The following SYAP1 variants were observed in gnomAD, a reference collection of about 807,000 sequenced individuals.
The protein encoded by SYAP1 is synapse-associated protein 1.
A neutral mutation model predicts 29.6 loss-of-function variants in SYAP1; 3 were observed. The ratio of observed to expected loss-of-function variants is 0.10; its 90% CI spans 0.05 to 0.26. The LOEUF is 0.26. Among genes scored for constraint, SYAP1 ranks in the 10% least tolerant of loss-of-function variants. The probability of loss-of-function intolerance (pLI) is 1.00; values close to 1 mark genes in which losing one functional copy is unlikely to be tolerated. For missense variants in SYAP1, 217 were observed against 264.1 expected (o/e 0.82, Z 1.24); for synonymous variants, 102 against 102.7 (o/e 0.99, Z 0.04).
chrX:16,740,782 T>C (rs1412449886), intron 3 of SYAP1, among the ~76,000 whole-genome samples: 1 of 111,621 alleles, frequency 9.0e-6, no homozygotes, highest in Non-Finnish European at 1.9e-5. Context: ...AATACTTTAC[T>C]GTTCATCAGT....
chrX:16,739,910 G>T (rs1022593225), intron 3 of SYAP1, among the ~76,000 whole-genome samples: 1 of 111,219 alleles, frequency 9.0e-6, no homozygotes, highest in Non-Finnish European at 1.9e-5. Context: ...TAATCTTGCC[G>T]CTGTGGGTTG....
intron 1 of SYAP1, among the ~76,000 whole-genome samples, chrX:16,720,897 C>T (rs772782059): frequency 9.0e-6 from 1 of 110,516 alleles, no homozygotes; most frequent in East Asian, 2.9e-4. Context: ...CCTGTAATCC[C>T]AGCTACTCAG....
chrX:16,741,973 A>T (rs12390881), intron 4 of SYAP1, among the ~76,000 whole-genome samples, 184 bp downstream of exon 4: 6 of 105,348 alleles, frequency 5.7e-5, no homozygotes, highest in East Asian at 5.9e-4. Context: ...TTTATTTTTT[A>T]TTTTTTTTTT....
At chrX:16,724,339 A>G (rs6632875) in intron 1 of SYAP1, among the ~76,000 whole-genome samples, 49,922 of 110,162 alleles carry the variant, frequency 0.45, 10,052 homozygotes, top group African/African-American at 0.78. Flanking sequence ...TCCTCTGCCT[A>G]CCACATATCC....
chrX:16,754,972 C>T lies in SYAP1; in HGVS notation c.603C>T (p.Asn201=), dbSNP rs752727686. 1 of 1,209,918 alleles carries T rather than the reference C, an allele frequency of 8.3e-7. No homozygotes were observed. Among genetic ancestry groups the T allele is most frequent in the South Asian group, 1.8e-5 (1 of 56,841 alleles). The change falls in exon 6 of 9, where the codon AAC becomes AAT. Residue 201 remains asparagine (N), a synonymous_variant. Coordinates refer to ENST00000380155, the MANE Select transcript of SYAP1 (RefSeq NM_032796.4). ...TGAAGGAAGAAGTGTTCTGGAGGAA[C>T]TACTTTTACCGCGTCTCCCTGATTA... ...KLVKEEVFWR[N]YFYRVSLIKQ...
intron 1 of SYAP1, among the ~76,000 whole-genome samples, chrX:16,727,897 A>G (rs1926117213): frequency 8.9e-6 from 1 of 112,308 alleles, no homozygotes; most frequent in South Asian, 3.6e-4. Flanking sequence ...ACACCATTCC[A>G]GTTAAAGCCT....
chrX:16,745,478 G>A (rs192662769), intron 5 of SYAP1, among the ~76,000 whole-genome samples: 23 of 111,456 alleles, frequency 2.1e-4, no homozygotes, highest in Non-Finnish European at 4.2e-4. Flanking sequence ...AGTTGCTCAT[G>A]CCTGTAATTC....
chrX:16,751,676 TTTTC>T (rs1926733473), intron 5 of SYAP1, among the ~76,000 whole-genome samples: 2 of 106,262 alleles, frequency 1.9e-5, no homozygotes, highest in South Asian at 8.0e-4. Flanking sequence ...GCTTTTTTTC[TTTTC>T]TTTTTTTTTT....
At chrX:16,736,516 C>A in intron 3 of SYAP1, 8 of 190,749 alleles carry the variant, frequency 4.2e-5, no homozygotes, top group Non-Finnish European at 6.8e-5. Context: ...TTTCTTTTCC[C>A]CCACCGAGAT....
Position 16,763,334 on chromosome X carries a change from A to G in SYAP1, c.*2975A>G, listed in dbSNP as rs1927023303. On this transcript the variant is annotated 3_prime_UTR_variant, in exon 9 of 9. Transcript: ENST00000380155. Reference sequence around the variant, plus strand: ...GGGGGATGAGAAATATTCTTGGTAAATCGGGCATTTCTTTTTTTGTTTGTT... The same window carrying G: ...GGGGGATGAGAAATATTCTTGGTAAGTCGGGCATTTCTTTTTTTGTTTGTT... 9.4e-6 allele frequency: 1 copy of G among 105,935 alleles called. No homozygotes were observed. Among genetic ancestry groups the G allele is most frequent in the Non-Finnish European group, 1.9e-5 (1 of 51,548 alleles). 8.7% of individuals were successfully genotyped at this position (105,935 alleles called of 1,213,427 possible).
At chrX:16,738,031 CAGT>C (rs1329285641) in intron 3 of SYAP1, among the ~76,000 whole-genome samples, 1 of 111,568 alleles carries the variant, frequency 9.0e-6, no homozygotes, top group African/African-American at 3.3e-5. Flanking sequence ...AGAAGCTCCA[CAGT>C]GTTTAGGGAG....
chrX:16,751,367 G>A (rs1248944377), intron 5 of SYAP1, among the ~76,000 whole-genome samples: 2 of 104,415 alleles, frequency 1.9e-5, no homozygotes, highest in African/African-American at 3.5e-5. Flanking sequence ...CAGGAGAATC[G>A]CTTGAACCCA....
chrX:16,741,576 G>A (rs1926460942), intron 3 of SYAP1, 140 bp from the exon 4 acceptor site: 1 of 409,176 alleles, frequency 2.4e-6, no homozygotes, highest in East Asian at 3.9e-5. Context: ...TACGGTTAAT[G>A]TTCATATTTG....
intron 5 of SYAP1, among the ~76,000 whole-genome samples, chrX:16,747,051 A>C (rs1250922067): frequency 9.0e-6 from 1 of 111,714 alleles, no homozygotes; most frequent in East Asian, 2.8e-4. Flanking sequence ...CCTGGACTCA[A>C]GTGATTTTCC....
intron 1 of SYAP1, among the ~76,000 whole-genome samples, chrX:16,722,460 G>A (rs935255692): frequency 2.8e-5 from 3 of 108,853 alleles, no homozygotes; most frequent in Non-Finnish European, 5.7e-5. Context: ...CCCGGGAGGC[G>A]GAGGTTGCAG....
chrX:16,732,266 CTT>C (rs767754242), intron 1 of SYAP1, among the ~76,000 whole-genome samples: 1 of 111,460 alleles, frequency 9.0e-6, no homozygotes, highest in East Asian at 2.8e-4. Flanking sequence ...AATTAGAACT[CTT>C]TCGTATATTT....
chrX:16,753,423 T>A (rs6632884), intron 5 of SYAP1, among the ~76,000 whole-genome samples: 44,826 of 104,479 alleles, frequency 0.43, 9,636 homozygotes, highest in African/African-American at 0.77. Flanking sequence ...CAAAAAAAAA[T>A]AATAATAATT....
chrX:16,725,254 G>A (rs1465248010), intron 1 of SYAP1, among the ~76,000 whole-genome samples: 2 of 112,290 alleles, frequency 1.8e-5, no homozygotes, highest in African/African-American at 6.5e-5. Flanking sequence ...GCGCTACTTC[G>A]TTTCAGACCC....
chrX:16,735,703 C>T (rs1926315260), intron 2 of SYAP1, among the ~76,000 whole-genome samples: 1 of 111,950 alleles, frequency 8.9e-6, no homozygotes, highest in Admixed American at 9.6e-5. Flanking sequence ...CAGCTTACTG[C>T]AACCTCTGCC....
Sources: gnomAD v4.1 joint callset for allele counts (sites outside exome capture counted in the v4.1 genomes callset) on GRCh38, gnomAD v4.1.1 for gene constraint, MANE v1.5 for transcripts, NCBI Gene and HGNC (gene_info 2026-07-23, HGNC 2026-07-21) for gene names.